Variants in SPTB observed in about 807,000 individuals in gnomAD.
SPTB encodes the protein spectrin beta chain, erythrocytic.
SPTB carries 45 observed loss-of-function variants against 256.2 expected under a neutral mutation model. The ratio of observed to expected loss-of-function variants is 0.18; its 90% CI spans 0.14 to 0.23. The LOEUF (loss-of-function observed/expected upper bound fraction) is 0.23. Among genes scored for constraint, SPTB ranks in the 10% least tolerant of loss-of-function variants. The pLI, the probability that SPTB is intolerant of heterozygous loss-of-function variation, is 1.00. For synonymous variants in SPTB, 1,231 were observed against 1,243.1 expected (o/e 0.99, Z 0.21); for missense variants, 2,715 against 3,040.4 (o/e 0.89, Z 2.52).
At position 64,802,139 on chromosome 14, in the gene SPTB, T is replaced by A; in HGVS notation, c.566+87A>T. 2 of 1,248,096 alleles carry A rather than the reference T, an allele frequency of 1.6e-6. No individual in the cohort carries two copies. The highest frequency in any genetic ancestry group is 2.3e-6 in the Non-Finnish European group (2 of 854,094). 77.3% of individuals were successfully genotyped at this position (1,248,096 alleles called of 1,614,324 possible). ...AGGCAGCTGTAGTTCTGGGTGATGA[T>A]GTCTAATGTCCCTCTGGAGATGGCA... is the stretch of plus-strand genomic sequence containing the variant. On this transcript the variant is annotated intron_variant, in intron 5 of 35. Transcript: ENST00000644917. The surrounding 1 kb of genome is among the most constrained non-coding windows in gnomAD (Gnocchi z 5.1).
intron 1 of SPTB, among the ~76,000 whole-genome samples, chr14:64,879,590 T>C (rs1373367864): frequency 6.6e-6 from 1 of 152,150 alleles, no homozygotes; most frequent in Non-Finnish European, 1.5e-5. Flanking sequence ...GGGATGATCT[T>C]TGCCGCAGCT....
At chr14:64,770,205 G>A (rs761670038) in intron 27 of SPTB, among the ~76,000 whole-genome samples, 3 of 152,188 alleles carry the variant, frequency 2.0e-5, no homozygotes, top group Admixed American at 6.5e-5. Flanking sequence ...TAATAGGGGC[G>A]GAGTGATGAA....
rs2081983703 is a variant in SPTB at position 64,753,732 on chromosome 14, T to C, written c.6407A>G (p.Lys2136Arg). The C allele has an allele frequency of 6.2e-7, 1 of 1,613,862 alleles. No homozygotes were observed. The highest frequency in any genetic ancestry group is 8.5e-7 in the Non-Finnish European group (1 of 1,180,026). Residue 2136 changes from lysine to arginine, a missense_variant, in exon 33 of 36, where the codon AAG (lysine) becomes AGG (arginine). By Grantham distance (26) the Lys-to-Arg change is conservative. Coordinates refer to ENST00000644917, the MANE Select transcript of SPTB (RefSeq NM_001355436.2). ...LQQPPPPGQH[K>R]DGQKSTGDER... The stretch of plus-strand genomic sequence containing the variant: ...ATCCCCAGTGGATTTCTGCCCATCC[T>C]TGTGCTGACCCGGCGGTGGTGGCTG...
At chr14:64,767,942 T>C in intron 29 of SPTB, 83 bp from the exon 30 acceptor site, 3 of 1,518,312 alleles carry the variant, frequency 2.0e-6, no homozygotes, top group African/African-American at 1.4e-5. Context: ...TTGGGGCCAG[T>C]GGTCAGGCAG....
chr14:64,818,791 G>A (rs1193626338), intron 2 of SPTB, among the ~76,000 whole-genome samples: 1 of 152,142 alleles, frequency 6.6e-6, no homozygotes, highest in Non-Finnish European at 1.5e-5. Context: ...GGAGATGGGG[G>A]GAGCCTTTCT....
At position 64,779,321 on chromosome 14, in the gene SPTB, C is replaced by T. The variant is rs932474972; in HGVS notation, c.4474-75G>A. ...TTTCCTGAGTGCTCACCATGGGCGG[C>T]GCAGAGCTTTGCTGGCAGTGTCTCC... On this transcript the variant is annotated intron_variant, in intron 21 of 35. Coordinates refer to ENST00000644917, the MANE Select transcript of SPTB (RefSeq NM_001355436.2). The surrounding 1 kb of genome is among the most constrained non-coding windows in gnomAD (Gnocchi z 4.2). 36 of 1,282,112 alleles carry T rather than the reference C, an allele frequency of 2.8e-5. No individual in the cohort carries two copies. Among genetic ancestry groups the T allele is most frequent in the Admixed American group, 9.2e-5 (5 of 54,554 alleles). The allele number at this position is 1,282,112 out of a possible 1,614,324, so 79.4% of individuals were successfully genotyped here.
chr14:64,805,715 C>T (rs2082970126), intron 2 of SPTB, among the ~76,000 whole-genome samples: 1 of 152,192 alleles, frequency 6.6e-6, no homozygotes, highest in African/African-American at 2.4e-5. Context: ...TCTGTACAAA[C>T]ATTGATTCTG....
chr14:64,843,669 AGGCCATC>A (rs1473779796), intron 1 of SPTB, among the ~76,000 whole-genome samples: 2 of 152,222 alleles, frequency 1.3e-5, no homozygotes, highest in African/African-American at 4.8e-5. Context: ...CTTTGAATAA[AGGCCATC>A]GCTGTCAAGC....
rs2083363161 is a variant in SPTB at position 64,825,420 on chromosome 14, T to C, written c.-51-2275A>G. Among the ~76,000 whole-genome samples the C allele has an allele frequency of 6.6e-6, 1 of 152,166 alleles. No homozygotes were observed. The highest frequency in any genetic ancestry group is 6.5e-5 in the Admixed American group (1 of 15,282). ...GACTGAGATTTCGCACCCAACTGGCTGGGCAACGATAGCCGGGAAAGATAC... is the reference window on the plus strand; with the variant it reads ...GACTGAGATTTCGCACCCAACTGGCCGGGCAACGATAGCCGGGAAAGATAC... On this transcript the variant is annotated intron_variant, in intron 1 of 35. Transcript: ENST00000644917. The surrounding 1 kb of genome is among the most constrained non-coding windows in gnomAD (Gnocchi z 4.8).
intron 20 of SPTB, among the ~76,000 whole-genome samples, chr14:64,780,365 T>G (rs2082446688): frequency 6.6e-6 from 1 of 152,240 alleles, no homozygotes; most frequent in Admixed American, 6.5e-5. Flanking sequence ...GATTCAATGC[T>G]ATTCCTATCA....
chr14:64,769,670 CA>C lies in SPTB; in HGVS notation c.5856del (p.Ile1952MetfsTer36), dbSNP rs1158755002. 1 of 1,614,074 alleles carries C rather than the reference CA, an allele frequency of 6.2e-7. No individual in the cohort carries two copies. The highest frequency in any genetic ancestry group is 8.5e-7 in the Non-Finnish European group (1 of 1,180,058). On this transcript the variant is annotated frameshift_variant, in exon 28 of 36. Transcript: ENST00000644917. LOFTEE classifies it high-confidence loss of function. ...MKYHQGINAEIETRSKNFSAC... is the reference protein window; with the variant it reads ...MKYHQGINAEXETRSKNFSAC... ...GCACTGAAGTTCTTGCTCCGGGTTT[CA>C]ATCTCTGCATTGATGCCCTGGTGAT...
At chr14:64,784,490 G>T in intron 18 of SPTB, 97 bp from the exon 19 acceptor site, 2 of 1,507,038 alleles carry the variant, frequency 1.3e-6, no homozygotes, top group Non-Finnish European at 1.8e-6. Context: ...AGAAGGCCAT[G>T]GGGAGGAAGT....
In SPTB at chr14:64,823,971, CCCTCACCCGTCATCAGTCATTCCTACT is replaced by C. The variant is rs2083339516; in HGVS notation, c.-51-853_-51-827del. 6.6e-6 allele frequency among the ~76,000 whole-genome samples: 1 copy of C among 152,132 alleles called. No individual in the cohort carries two copies. The highest frequency in any genetic ancestry group is 1.5e-5 in the Non-Finnish European group (1 of 68,026). Reference sequence around the variant, plus strand: ...CAGCGCATCAGGAGCACTGGGTCCTCCCTCACCCGTCATCAGTCATTCCTACTCACTCATTCATTCATTTACAGTTAA... The same window carrying C: ...CAGCGCATCAGGAGCACTGGGTCCTCCACTCATTCATTCATTTACAGTTAA... On this transcript the variant is annotated intron_variant, in intron 1 of 35. Coordinates refer to ENST00000644917, the MANE Select transcript of SPTB (RefSeq NM_001355436.2). This position sits in a 1 kb window ranked among gnomAD's most constrained non-coding sequence, Gnocchi z 6.5.
In SPTB at chr14:64,793,469, C is replaced by A; in HGVS notation, c.2194G>T (p.Ala732Ser). The A allele has an allele frequency of 6.2e-7, 1 of 1,614,098 alleles. No homozygotes were observed. Among genetic ancestry groups the A allele is most frequent in the Non-Finnish European group, 8.5e-7 (1 of 1,180,040 alleles). Residue 732 changes from alanine to serine, a missense_variant, in exon 14 of 36, where the codon GCT (alanine) becomes TCT (serine). Ala to Ser is a moderately conservative substitution (Grantham distance 99, BLOSUM62 1). Around this residue, in one of 4 missense-constraint regions of SPTB, gnomAD observed 2,239 missense variants for 2,384.4 expected, o/e 0.94. Transcript: ENST00000644917. This position sits in a 1 kb window ranked among gnomAD's most constrained non-coding sequence, Gnocchi z 7.0. ...TGGAGGTTCTTCTTGCAGAAGGCAG[C>A]CAGGTCCTTCAGCTGGTCCCACTGT... Reference protein sequence around the residue: ...SAQWDQLKDLAAFCKKNLQDA... With the variant: ...SAQWDQLKDLSAFCKKNLQDA...
chr14:64,802,411 C>T lies in SPTB; in HGVS notation c.475-94G>A, dbSNP rs79650819. ...TGGGAGGCTCCCTCCCTCATCCCCC[C>T]TTCACTTAACACTAATTCATCCTTT... On this transcript the variant is annotated intron_variant, in intron 4 of 35. Coordinates refer to ENST00000644917, the MANE Select transcript of SPTB (RefSeq NM_001355436.2). The surrounding 1 kb of genome is among the most constrained non-coding windows in gnomAD (Gnocchi z 5.1). 1 of 1,141,608 alleles carries T rather than the reference C, an allele frequency of 8.8e-7. No individual in the cohort carries two copies. The highest frequency in any genetic ancestry group is 1.3e-6 in the Non-Finnish European group (1 of 772,704). 70.7% of individuals were successfully genotyped at this position (1,141,608 alleles called of 1,614,324 possible). A position where few individuals can be genotyped will look rare whatever the true frequency, so the allele number is the denominator to read the frequency against.
intron 1 of SPTB, among the ~76,000 whole-genome samples, chr14:64,834,677 G>C (rs1393416109): frequency 6.7e-6 from 1 of 150,102 alleles, no homozygotes; most frequent in Non-Finnish European, 1.5e-5. Flanking sequence ...CACCCACCTT[G>C]GTCTCCCAAA....
rs911528346 is a variant in SPTB at position 64,790,244 on chromosome 14, G to T, written c.2804+1475C>A. Among the ~76,000 whole-genome samples, 6 of 152,050 alleles carry T rather than the reference G, an allele frequency of 3.9e-5. No homozygotes were observed. The highest frequency in any genetic ancestry group is 8.8e-5 in the Non-Finnish European group (6 of 68,024). ...TTTTTTTCTCACTTAAGGATGGCAG[G>T]TACCTTGATATTTTTCTCTTGGGGA... On this transcript the variant is annotated intron_variant, in intron 15 of 35. Coordinates refer to ENST00000644917, the MANE Select transcript of SPTB (RefSeq NM_001355436.2). This position sits in a 1 kb window ranked among gnomAD's most constrained non-coding sequence, Gnocchi z 4.8.
chr14:64,790,002 G>T lies in SPTB; in HGVS notation c.2804+1717C>A, dbSNP rs1258468676. Among the ~76,000 whole-genome samples, 7 of 152,182 alleles carry T rather than the reference G, an allele frequency of 4.6e-5. No individual in the cohort carries two copies. The highest frequency in any genetic ancestry group is 1.7e-4 in the African/African-American group (7 of 41,444). On this transcript the variant is annotated intron_variant, in intron 15 of 35. Coordinates refer to ENST00000644917, the MANE Select transcript of SPTB (RefSeq NM_001355436.2). This position sits in a 1 kb window ranked among gnomAD's most constrained non-coding sequence, Gnocchi z 4.8. Reference sequence around the variant, plus strand: ...AGCTATACACGGAAGAGGAACCAGGGTAAGTGTGATATCTCTCAAGGGCAG... The same window carrying T: ...AGCTATACACGGAAGAGGAACCAGGTTAAGTGTGATATCTCTCAAGGGCAG...
At chr14:64,781,150 G>T (rs893511442) in intron 20 of SPTB, among the ~76,000 whole-genome samples, 1 of 152,130 alleles carries the variant, frequency 6.6e-6, no homozygotes, top group African/African-American at 2.4e-5. Flanking sequence ...ATATCATCCT[G>T]GACATAGGAA....
Sources: gnomAD v4.1 joint callset for allele counts (sites outside exome capture counted in the v4.1 genomes callset) on GRCh38, gnomAD v4.1.1 for gene constraint, gnomAD v4.1.1 regional missense constraint, Gnocchi (gnomAD v3.1) non-coding constraint, MANE v1.5 for transcripts, NCBI Gene and HGNC (gene_info 2026-07-23, HGNC 2026-07-21) for gene names.